LIN7A: variants seen among roughly 807,000 people sequenced by gnomAD.
The protein encoded by LIN7A is lin-7 cell polarity scaffold A, also known as protein lin-7 homolog A.
Under a neutral mutation model 29.8 loss-of-function variants are expected in LIN7A, and 25 were observed. The observed-to-expected ratio is 0.84, with a 90% confidence interval of 0.61 to 1.17. LIN7A has a LOEUF of 1.17. Among genes scored for constraint, LIN7A ranks in the 50% most tolerant of loss-of-function variants. The pLI, the probability that LIN7A is intolerant of heterozygous loss-of-function variation, is 0.00. For missense variants in LIN7A, 239 were observed against 287.0 expected, an observed-to-expected ratio of 0.83 and a Z score of 1.21; for synonymous variants, 118 against 107.5, an observed-to-expected ratio of 1.10 and a Z score of -0.60.
At chr12:80,852,044 T>C (rs1873360481) in intron 2 of LIN7A, among the ~76,000 whole-genome samples, 1 of 152,172 alleles carries the variant, frequency 6.6e-6, no homozygotes, top group Non-Finnish European at 1.5e-5. Flanking sequence ...GTCAATGTAT[T>C]AGGCATCTGG....
chr12:80,817,483 AC>A (rs1411377233), intron 4 of LIN7A, among the ~76,000 whole-genome samples: 2 of 151,872 alleles, frequency 1.3e-5, no homozygotes, highest in Admixed American at 1.3e-4. Flanking sequence ...TTGTTGGACA[AC>A]AAGAGTTGGC....
chr12:80,870,436 A>G (rs889053243), intron 2 of LIN7A, among the ~76,000 whole-genome samples: 8 of 152,172 alleles, frequency 5.3e-5, no homozygotes, highest in Non-Finnish European at 2.9e-5. Flanking sequence ...AGTCCACATG[A>G]TTGGAACTGA....
rs7311392 is a variant in LIN7A, at chr12:80,835,763, G to T, written c.483+9967C>A. Among the ~76,000 whole-genome samples, 8 of 151,898 alleles carry T rather than the reference G, an allele frequency of 5.3e-5. No homozygotes were observed. In the East Asian group the frequency reaches 1.4e-3, roughly 26 times the overall value. ...ATAGAGTCTCAAAGAGTAAATAAAC[G>T]TATTATGGTTAGAATAACCTTAACT... is the stretch of plus-strand genomic sequence containing the variant. On this transcript the variant is annotated intron_variant, in intron 4 of 5. Transcript: ENST00000552864.
At chr12:80,936,162 G>C (rs1172156201) in intron 1 of LIN7A, among the ~76,000 whole-genome samples, 1 of 152,180 alleles carries the variant, frequency 6.6e-6, no homozygotes, top group Non-Finnish European at 1.5e-5. Context: ...GCTTAGTGCA[G>C]ATGATGATAT....
intron 5 of LIN7A, among the ~76,000 whole-genome samples, chr12:80,804,800 C>T (rs1463272762): frequency 3.3e-5 from 5 of 152,054 alleles, no homozygotes; most frequent in African/African-American, 4.8e-5. Context: ...GTGATCCAGC[C>T]GCTTTGGCCT....
At chr12:80,805,920 CGTGCCTTTCA>C (rs1870955223) in intron 5 of LIN7A, among the ~76,000 whole-genome samples, 1 of 102,486 alleles carries the variant, frequency 9.8e-6, no homozygotes, top group Admixed American at 1.0e-4. Flanking sequence ...CCATGTAAGA[CGTGCCTTTCA>C]GTCTGGGCAT....
intron 1 of LIN7A, among the ~76,000 whole-genome samples, chr12:80,925,578 C>T (rs1389403720): frequency 4.6e-5 from 7 of 152,134 alleles, no homozygotes; most frequent in African/African-American, 9.7e-5. Flanking sequence ...ACAACTTTAT[C>T]GGGTCAGTGC....
At chr12:80,928,863 A>G (rs531620744) in intron 1 of LIN7A, among the ~76,000 whole-genome samples, 2 of 151,794 alleles carry the variant, frequency 1.3e-5, no homozygotes, top group South Asian at 2.1e-4. Flanking sequence ...TCTTGAGTTA[A>G]TTTTTGTATT....
intron 4 of LIN7A, among the ~76,000 whole-genome samples, chr12:80,812,882 A>T (rs546057791): frequency 6.6e-6 from 1 of 152,308 alleles, no homozygotes; most frequent in East Asian, 1.9e-4. Context: ...GTCAATAAAG[A>T]TCTAAGCAGA....
chr12:80,866,038 T>C (rs1435246304), intron 2 of LIN7A, among the ~76,000 whole-genome samples: 2 of 152,176 alleles, frequency 1.3e-5, no homozygotes, highest in Non-Finnish European at 2.9e-5. Context: ...GCATGTGTTG[T>C]GTGCAGGTGG....
At chr12:80,838,732 C>A (rs1330039219) in intron 4 of LIN7A, among the ~76,000 whole-genome samples, 1 of 152,176 alleles carries the variant, frequency 6.6e-6, no homozygotes, top group Non-Finnish European at 1.5e-5. Flanking sequence ...GTGAGAATAG[C>A]TTTACTTGAG....
chr12:80,880,751 G>T (rs952296441), intron 2 of LIN7A, among the ~76,000 whole-genome samples: 13 of 136,260 alleles, frequency 9.5e-5, no homozygotes, highest in African/African-American at 2.9e-4. Flanking sequence ...AGGAGGCAAC[G>T]CACACACACA....
chr12:80,841,226 G>T (rs1872789492), intron 4 of LIN7A, among the ~76,000 whole-genome samples: 2 of 152,040 alleles, frequency 1.3e-5, no homozygotes, highest in South Asian at 4.1e-4. Context: ...AGGAGGCAGA[G>T]GTTGCAGTGA....
chr12:80,911,133 T>C (rs1760451858), intron 1 of LIN7A, among the ~76,000 whole-genome samples: 1 of 152,160 alleles, frequency 6.6e-6, no homozygotes, highest in African/African-American at 2.4e-5. Context: ...TGGGGAAAGT[T>C]TGCCTTGCTC....
intron 2 of LIN7A, among the ~76,000 whole-genome samples, chr12:80,860,106 G>A (rs539980934): frequency 6.6e-6 from 1 of 152,130 alleles, no homozygotes; most frequent in South Asian, 2.1e-4. Flanking sequence ...TCTGTGTTTT[G>A]TAAGTGTGAG....
At chr12:80,801,075 TATATAAACATAC>T (rs1225855794) in intron 5 of LIN7A, among the ~76,000 whole-genome samples, 10 of 151,894 alleles carry the variant, frequency 6.6e-5, no homozygotes, top group Admixed American at 2.6e-4. Flanking sequence ...TATATATATA[TATATAAACATAC>T]ATATAAACAT....
intron 5 of LIN7A, among the ~76,000 whole-genome samples, chr12:80,805,105 T>C (rs1870913543): frequency 6.6e-6 from 1 of 152,190 alleles, no homozygotes; most frequent in South Asian, 2.1e-4. Flanking sequence ...ATAAGGCTAT[T>C]GTAAAGATTA....
intron 1 of LIN7A, among the ~76,000 whole-genome samples, chr12:80,891,890 T>C (rs1041387564): frequency 1.3e-5 from 2 of 152,144 alleles, no homozygotes; most frequent in African/African-American, 2.4e-5. Flanking sequence ...GCGTTTATTA[T>C]AGCTGAAGCT....
intron 2 of LIN7A, among the ~76,000 whole-genome samples, chr12:80,880,762 CACACACACACACAT>C (rs1349602153): frequency 1.4e-5 from 2 of 139,578 alleles, no homozygotes; most frequent in East Asian, 4.5e-4. Context: ...CACACACACA[CACACACACACACAT>C]ACACACACAC....
Sources: allele counts gnomAD v4.1 joint callset (sites outside exome capture counted in the v4.1 genomes callset), GRCh38; gene constraint gnomAD v4.1.1; transcripts MANE v1.5; gene names NCBI Gene and HGNC (gene_info 2026-07-23, HGNC 2026-07-21).